NAV2: variants seen among roughly 807,000 people sequenced by gnomAD.
NAV2 encodes helicase, APC down-regulated 1.
NAV2 carries 54 observed loss-of-function variants against 223.2 expected under a neutral mutation model. The observed-to-expected ratio is 0.24, with a 90% CI of 0.19 to 0.30. The LOEUF (loss-of-function observed/expected upper bound fraction) is 0.30, where lower values mean the gene tolerates loss of function less well. NAV2 is among the 10% of genes least tolerant of loss of function. The pLI, the probability that NAV2 is intolerant of heterozygous loss-of-function variation, is 1.00. For missense variants in NAV2, 2,806 were observed against 3,147.5 expected (o/e 0.89, Z 2.60); for synonymous variants, 1,279 against 1,239.3 (o/e 1.03, Z -0.67).
chr11:20,058,139 T>C (rs745996921), intron 19 of NAV2, among the ~76,000 whole-genome samples: 1 of 152,246 alleles, frequency 6.6e-6, no homozygotes, highest in Non-Finnish European at 1.5e-5. Flanking sequence ...AAATTCCTTT[T>C]TTTGAATTTA....
At chr11:20,039,424 TCTCCCTCCCTTC>T (rs1356779913) in intron 12 of NAV2, among the ~76,000 whole-genome samples, 2 of 151,944 alleles carry the variant, frequency 1.3e-5, no homozygotes, top group Non-Finnish European at 2.9e-5. Context: ...TTCTCTTATC[TCTCCCTCCCTTC>T]CTCCCTCCTC....
At chr11:19,733,020 G>A (rs1189265474) in intron 1 of NAV2, among the ~76,000 whole-genome samples, 2 of 152,196 alleles carry the variant, frequency 1.3e-5, no homozygotes, top group African/African-American at 2.4e-5. Flanking sequence ...TTGAAAATGT[G>A]GTATTTCTAG....
At chr11:20,108,993 C>T (rs949733870) in intron 36 of NAV2, among the ~76,000 whole-genome samples, 1 of 152,172 alleles carries the variant, frequency 6.6e-6, no homozygotes, top group African/African-American at 2.4e-5. Flanking sequence ...CAGTGGGAGA[C>T]ACAAGATGCT....
intron 4 of NAV2, among the ~76,000 whole-genome samples, chr11:19,875,567 G>A (rs903794199): frequency 2.6e-5 from 4 of 152,122 alleles, no homozygotes; most frequent in Non-Finnish European, 4.4e-5. Flanking sequence ...CTATTTATGC[G>A]AAATATCCAG....
chr11:19,846,870 G>A (rs1224275471), intron 3 of NAV2, among the ~76,000 whole-genome samples: 1 of 152,182 alleles, frequency 6.6e-6, no homozygotes. Flanking sequence ...GCCTTGGCTT[G>A]TTTTTAAGGA....
At chr11:20,038,031 G>A (rs1246258881) in intron 12 of NAV2, among the ~76,000 whole-genome samples, 1 of 152,206 alleles carries the variant, frequency 6.6e-6, no homozygotes, top group Non-Finnish European at 1.5e-5. Flanking sequence ...CAAGGTAGGA[G>A]AAGCTTGCTC....
At chr11:20,033,379 G>A (rs940968084) in intron 11 of NAV2, among the ~76,000 whole-genome samples, 1 of 152,230 alleles carries the variant, frequency 6.6e-6, no homozygotes, top group African/African-American at 2.4e-5. Context: ...AACTGTGTAA[G>A]AGTGTATAGA....
chr11:20,099,882 G>A (rs2061510212), intron 31 of NAV2, among the ~76,000 whole-genome samples: 1 of 152,086 alleles, frequency 6.6e-6, no homozygotes, highest in African/African-American at 2.4e-5. Context: ...TCCATACTTT[G>A]CATTGAGGTT....
chr11:19,941,018 G>A (rs187147108), intron 8 of NAV2, among the ~76,000 whole-genome samples: 5 of 152,168 alleles, frequency 3.3e-5, no homozygotes, highest in African/African-American at 4.8e-5. Flanking sequence ...TCAAAAGAGC[G>A]AGGCCAACGC....
chr11:19,852,600 C>T (rs2061205519), intron 3 of NAV2, among the ~76,000 whole-genome samples: 1 of 152,158 alleles, frequency 6.6e-6, no homozygotes, highest in African/African-American at 2.4e-5. Flanking sequence ...ACTTTGTCCC[C>T]ACAACTAACA....
At chr11:19,990,246 C>T (rs1239484899) in intron 11 of NAV2, among the ~76,000 whole-genome samples, 2 of 152,128 alleles carry the variant, frequency 1.3e-5, no homozygotes, top group African/African-American at 2.4e-5. Flanking sequence ...TGAATTCTGA[C>T]TTATTGCAAT....
chr11:19,844,952 G>A (rs144050388), intron 3 of NAV2, among the ~76,000 whole-genome samples: 1 of 152,198 alleles, frequency 6.6e-6, no homozygotes, highest in Non-Finnish European at 1.5e-5. Flanking sequence ...CAGCGTACAG[G>A]ATGTGAGTCC....
intron 26 of NAV2, among the ~76,000 whole-genome samples, chr11:20,085,002 AATATAGTGAG>A (rs1476385794): frequency 6.6e-6 from 1 of 152,072 alleles, no homozygotes; most frequent in Non-Finnish European, 1.5e-5. Context: ...CAGCCTGGTC[AATATAGTGAG>A]ACTCTGTCTC....
At chr11:19,508,188 C>G (rs563814976) in intron 1 of NAV2, among the ~76,000 whole-genome samples, 4 of 152,174 alleles carry the variant, frequency 2.6e-5, no homozygotes, top group Non-Finnish European at 5.9e-5. Context: ...AGGGGTTCAG[C>G]CTTCTCTTCC....
At chr11:20,100,341 C>T (rs1268242748) in intron 31 of NAV2, among the ~76,000 whole-genome samples, 2 of 152,188 alleles carry the variant, frequency 1.3e-5, no homozygotes, top group Non-Finnish European at 2.9e-5. Context: ...TGCCAGTATT[C>T]ACATTCCGGA....
At chr11:19,668,497 C>A (rs1412057697) in intron 1 of NAV2, among the ~76,000 whole-genome samples, 1 of 132,318 alleles carries the variant, frequency 7.6e-6, no homozygotes, top group Non-Finnish European at 1.5e-5. Context: ...CATGCCATTG[C>A]ACTCTAGCCT....
intron 1 of NAV2, among the ~76,000 whole-genome samples, chr11:19,528,308 C>A (rs2134397732): frequency 6.6e-6 from 1 of 152,274 alleles, no homozygotes; most frequent in South Asian, 2.1e-4. Flanking sequence ...CTTTTCATGA[C>A]CTTCTGGTCT....
chr11:19,736,367 G>A (rs755068799), intron 1 of NAV2, among the ~76,000 whole-genome samples: 2 of 152,168 alleles, frequency 1.3e-5, no homozygotes, highest in Non-Finnish European at 2.9e-5. Context: ...TGGGCTCCAG[G>A]ACTGGTGGGC....
intron 6 of NAV2, among the ~76,000 whole-genome samples, chr11:19,926,694 A>G (rs142089973): frequency 2.6e-5 from 4 of 152,172 alleles, no homozygotes; most frequent in Non-Finnish European, 5.9e-5. Flanking sequence ...CAATTTGAAT[A>G]CTCAAGATTG....
Sources: allele counts gnomAD v4.1 joint callset (sites outside exome capture counted in the v4.1 genomes callset), GRCh38; gene constraint gnomAD v4.1.1; transcripts MANE v1.5; gene names NCBI Gene and HGNC (gene_info 2026-07-23, HGNC 2026-07-21).